The following ROBO2 variants were observed in gnomAD, a reference collection of about 807,000 sequenced individuals.
ROBO2 encodes roundabout homolog 2.
ROBO2 carries 53 observed loss-of-function variants against 160.8 expected under a neutral mutation model. That is an observed-to-expected ratio of 0.33 (90% CI 0.26 to 0.41). The LOEUF (loss-of-function observed/expected upper bound fraction) is 0.41. ROBO2 is among the 10% of genes least tolerant of loss of function. The probability of loss-of-function intolerance (pLI) is 1.00; values close to 1 mark genes in which losing one functional copy is unlikely to be tolerated. For missense variants in ROBO2, 1,577 were observed against 1,722.4 expected (o/e 0.92, Z 1.49); for synonymous variants, 664 against 611.7 (o/e 1.09, Z -1.26).
intron 23 of ROBO2, chr3:77,629,633 C>T (rs1443548888): frequency 6.6e-6 from 1 of 152,050 alleles, no homozygotes; most frequent in Non-Finnish European, 1.5e-5. Flanking sequence ...CAAAGCATAA[C>T]CAATACACAT....
chr3:77,522,878 G>T, exon 6 of ROBO2: 5 of 1,609,430 alleles, frequency 3.1e-6, no homozygotes, highest in Non-Finnish European at 4.2e-6. Flanking sequence ...AAAAATGGAA[G>T]CCTCTGCTAC....
At chr3:76,367,130 G>A (rs768266885) in intron 2 of ROBO2, among the ~76,000 whole-genome samples, 1 of 151,834 alleles carries the variant, frequency 6.6e-6, no homozygotes, top group Non-Finnish European at 1.5e-5. Context: ...GAAGATGATT[G>A]CACAGAGATT....
At chr3:77,429,471 A>G (rs779010062) in intron 2 of ROBO2, among the ~76,000 whole-genome samples, 3 of 152,098 alleles carry the variant, frequency 2.0e-5, no homozygotes, top group Non-Finnish European at 2.9e-5. Flanking sequence ...TCAACTAATC[A>G]TCAAAATCCT....
chr3:77,386,237 A>G (rs967714309), intron 2 of ROBO2, among the ~76,000 whole-genome samples: 1 of 152,192 alleles, frequency 6.6e-6, no homozygotes, highest in South Asian at 2.1e-4. Flanking sequence ...TTTCCTAGCT[A>G]TTAGATGTCC....
At chr3:77,088,450 G>T (rs1441100544) in intron 1 of ROBO2, among the ~76,000 whole-genome samples, 2 of 151,850 alleles carry the variant, frequency 1.3e-5, no homozygotes, top group East Asian at 1.9e-4. Flanking sequence ...GGTTTGTTAC[G>T]TAGGTAAATG....
chr3:77,407,512 A>G (rs1286588581), intron 2 of ROBO2, among the ~76,000 whole-genome samples: 1 of 152,198 alleles, frequency 6.6e-6, no homozygotes, highest in Non-Finnish European at 1.5e-5. Flanking sequence ...GGAGGAGTTA[A>G]GGGAAATTCA....
chr3:76,737,875 G>T (rs1392111476), intron 2 of ROBO2, among the ~76,000 whole-genome samples: 1 of 152,114 alleles, frequency 6.6e-6, no homozygotes, highest in African/African-American at 2.4e-5. Flanking sequence ...GACTGGGAAC[G>T]GTGGCTCACA....
chr3:77,382,514 C>T (rs548016879), intron 2 of ROBO2, among the ~76,000 whole-genome samples: 1 of 152,120 alleles, frequency 6.6e-6, no homozygotes, highest in South Asian at 2.1e-4. Flanking sequence ...CACCTGTCAT[C>T]TGAGTAGTGT....
intron 2 of ROBO2, among the ~76,000 whole-genome samples, chr3:76,790,093 T>C (rs1449261237): frequency 6.6e-6 from 1 of 151,712 alleles, no homozygotes; most frequent in Non-Finnish European, 1.5e-5. Context: ...CATTGTCATA[T>C]GTGTTTGACT....
intron 6 of ROBO2, 27 bp downstream of exon 6, chr3:77,522,929 A>AT (rs762704764): frequency 6.2e-7 from 1 of 1,607,850 alleles, no homozygotes; most frequent in South Asian, 1.1e-5. Flanking sequence ...GTCAAAGATA[A>AT]TTGAACCAGG....
intron 2 of ROBO2, among the ~76,000 whole-genome samples, chr3:76,195,698 C>G (rs1702228436): frequency 6.6e-6 from 1 of 152,158 alleles, no homozygotes; most frequent in Admixed American, 6.5e-5. Context: ...TTCAAGTTGT[C>G]AAAGCCAATA....
intron 2 of ROBO2, among the ~76,000 whole-genome samples, chr3:76,777,848 T>C (rs1227111428): frequency 6.6e-6 from 1 of 151,102 alleles, no homozygotes; most frequent in Non-Finnish European, 1.5e-5. Flanking sequence ...TTCTTGTGTA[T>C]TTTTTCTATA....
chr3:77,214,891 A>G (rs2084709536), intron 2 of ROBO2, among the ~76,000 whole-genome samples: 1 of 152,168 alleles, frequency 6.6e-6, no homozygotes, highest in African/African-American at 2.4e-5. Context: ...TTTCTTTAAG[A>G]ATGTTGAATA....
intron 21 of ROBO2, among the ~76,000 whole-genome samples, chr3:77,614,498 A>T (rs1045324328): frequency 4.6e-5 from 7 of 152,190 alleles, no homozygotes; most frequent in Non-Finnish European, 8.8e-5. Flanking sequence ...ATATTATAGT[A>T]GATATTTAGG....
chr3:76,579,758 CA>C (rs1192423570), intron 2 of ROBO2, among the ~76,000 whole-genome samples: 1 of 76,334 alleles, frequency 1.3e-5, no homozygotes, highest in Non-Finnish European at 2.6e-5. Context: ...TTGCTCCTTT[CA>C]AAAAAGCTAT....
At chr3:76,453,939 G>A (rs888369369) in intron 2 of ROBO2, among the ~76,000 whole-genome samples, 1 of 152,070 alleles carries the variant, frequency 6.6e-6, no homozygotes, top group Admixed American at 6.6e-5. Flanking sequence ...CATTCATGTG[G>A]AGTTGCAGAG....
intron 2 of ROBO2, among the ~76,000 whole-genome samples, chr3:76,760,208 G>T (rs898470077): frequency 6.6e-6 from 1 of 151,714 alleles, no homozygotes; most frequent in Non-Finnish European, 1.5e-5. Context: ...ATTGAAATCT[G>T]TAAGTTTCAG....
chr3:77,409,844 A>G (rs76636798), intron 2 of ROBO2, among the ~76,000 whole-genome samples: 2,024 of 152,300 alleles, frequency 0.013, 45 homozygotes, highest in African/African-American at 0.044. Flanking sequence ...AAAGTGAATA[A>G]TATGTAACGT....
chr3:77,245,726 A>C (rs1489471447), intron 2 of ROBO2, among the ~76,000 whole-genome samples: 2 of 152,184 alleles, frequency 1.3e-5, no homozygotes, highest in East Asian at 3.9e-4. Context: ...CTTTCTTTTA[A>C]GTTGATGTTT....
Sources: allele counts gnomAD v4.1 joint callset (sites outside exome capture counted in the v4.1 genomes callset), GRCh38; gene constraint gnomAD v4.1.1; transcripts MANE v1.5; gene names NCBI Gene and HGNC (gene_info 2026-07-23, HGNC 2026-07-21).